Variants in WSB2 observed in about 807,000 individuals in gnomAD.
WSB2 encodes the protein WD repeat and SOCS box containing 2.
A neutral mutation model predicts 48.8 loss-of-function variants in WSB2; 12 were observed. The observed-to-expected ratio is 0.25, with a 90% CI of 0.16 to 0.40. The LOEUF (loss-of-function observed/expected upper bound fraction) is 0.40. Ranked by LOEUF, WSB2 falls within the 10% of genes least tolerant of loss-of-function variation. The pLI, the probability that WSB2 is intolerant of heterozygous loss-of-function variation, is 1.00. For synonymous variants in WSB2, 191 were observed against 203.1 expected, an observed-to-expected ratio of 0.94 and a Z score of 0.51; for missense variants, 317 against 506.2, an observed-to-expected ratio of 0.63 and a Z score of 3.59.
intron 2 of WSB2, among the ~76,000 whole-genome samples, chr12:118,050,884 T>G (rs1406924055): frequency 6.6e-6 from 1 of 151,662 alleles, no homozygotes; most frequent in Non-Finnish European, 1.5e-5. Flanking sequence ...AAATCTCGTC[T>G]CTACTAAAAA....
intron 2 of WSB2, among the ~76,000 whole-genome samples, chr12:118,051,941 T>C (rs556061712): frequency 8.5e-5 from 13 of 152,214 alleles, no homozygotes; most frequent in Middle Eastern, 3.4e-3. Flanking sequence ...GCCATTGCAC[T>C]CCAGCCTAGG....
Position 118,035,031 on chromosome 12 carries a change from C to A in WSB2, c.1007G>T (p.Gly336Val). The A allele has an allele frequency of 6.2e-7, 1 of 1,614,146 alleles. No individual in the cohort carries two copies. The highest frequency in any genetic ancestry group is 8.5e-7 in the Non-Finnish European group (1 of 1,180,028). ...ATGTGGAAAAAATGTGCAGCAAAGC[C>A]CATTGGTCATAGGAGCAAATGCAAT... is the stretch of plus-strand genomic sequence containing the variant. ...TPIAFAPMTN[G>V]LCCTFFPHGG... Residue 336 changes from glycine to valine, a missense_variant, in exon 8 of 9, where the codon GGG (glycine) becomes GTG (valine). Transcript: ENST00000315436.
At chr12:118,046,058 G>A (rs1309344653) in intron 2 of WSB2, among the ~76,000 whole-genome samples, 2 of 152,186 alleles carry the variant, frequency 1.3e-5, no homozygotes, top group Non-Finnish European at 2.9e-5. Context: ...TTATTGGAAC[G>A]CAGCCACAGG....
At chr12:118,062,124 C>G (rs1232585502), upstream of WSB2, 2 of 1,535,382 alleles carry the variant, frequency 1.3e-6, no homozygotes, top group East Asian at 4.9e-5. Context: ...CGCCTGTCCC[C>G]GTCCCCCTGA....
intron 4 of WSB2, among the ~76,000 whole-genome samples, chr12:118,039,133 G>A (rs1273020645): frequency 6.6e-6 from 1 of 152,122 alleles, no homozygotes; most frequent in African/African-American, 2.4e-5. Flanking sequence ...GCTCCAGACT[G>A]TCACCCTCCC....
At chr12:118,044,011 T>C (rs2031696455) in intron 2 of WSB2, among the ~76,000 whole-genome samples, 1 of 150,516 alleles carries the variant, frequency 6.6e-6, no homozygotes, top group Non-Finnish European at 1.5e-5. Flanking sequence ...CCCAGCTACT[T>C]AGGAGGCTGA....
At chr12:118,061,495 A>G (rs2032066090), upstream of WSB2, among the ~76,000 whole-genome samples, 1 of 150,418 alleles carries the variant, frequency 6.6e-6, no homozygotes, top group Non-Finnish European at 1.5e-5. Context: ...AAAACGGGGA[A>G]GGGAGGGAGG....
At chr12:118,034,535 T>A (rs752372017) in intron 8 of WSB2, 177 bp from the exon 9 acceptor site, 142 of 705,420 alleles carry the variant, frequency 2.0e-4, no homozygotes, top group Non-Finnish European at 2.8e-4. Context: ...AAGCTGCTGA[T>A]AGGATTAGAA....
chr12:118,045,230 G>A (rs759944291), intron 2 of WSB2, among the ~76,000 whole-genome samples: 53 of 152,068 alleles, frequency 3.5e-4, no homozygotes, highest in Non-Finnish European at 6.6e-4. Flanking sequence ...CGGGCGTGGT[G>A]GCGGGTGCCT....
At chr12:118,061,560 G>A (rs2032067440), upstream of WSB2, among the ~76,000 whole-genome samples, 1 of 151,238 alleles carries the variant, frequency 6.6e-6, no homozygotes, top group Non-Finnish European at 1.5e-5. Context: ...CGGAGTAGGG[G>A]AAGCCGGGCT....
chr12:118,038,312 C>T lies in WSB2; in HGVS notation c.636G>A (p.Leu212=). The change falls in exon 5 of 9, where the codon CTG becomes CTA. Residue 212 remains leucine (L), a synonymous_variant. Coordinates refer to ENST00000315436, the MANE Select transcript of WSB2 (RefSeq NM_018639.5). ...CCGACTTCTCTCCAGCTGCAGAGCA[C>T]AGCATGCTGCAGTCTGGGGAGATGG... is the stretch of plus-strand genomic sequence containing the variant. ...CCSISPDCSM[L]CSAAGEKSVF... is the part of the protein sequence containing the mutation. 1 of 1,614,088 alleles carries T rather than the reference C, an allele frequency of 6.2e-7. No individual in the cohort carries two copies. Among genetic ancestry groups the T allele is most frequent in the Non-Finnish European group, 8.5e-7 (1 of 1,180,010 alleles).
At chr12:118,062,118 T>C, upstream of WSB2, 1 of 1,535,406 alleles carries the variant, frequency 6.5e-7, no homozygotes, top group Non-Finnish European at 8.7e-7. Context: ...CAGCCTCGCC[T>C]GTCCCCGTCC....
At chr12:118,034,730 C>CA in intron 8 of WSB2, 1 of 534,768 alleles carries the variant, frequency 1.9e-6, no homozygotes, top group Non-Finnish European at 3.3e-6. Context: ...TGCATCATCT[C>CA]AATTTTATTC....
At chr12:118,047,855 T>C (rs2031775297) in intron 2 of WSB2, among the ~76,000 whole-genome samples, 2 of 152,232 alleles carry the variant, frequency 1.3e-5, no homozygotes, top group South Asian at 4.1e-4. Flanking sequence ...TCACTATAAA[T>C]TTTTGTGTAT....
chr12:118,043,954 TAA>T (rs975217806), intron 2 of WSB2, among the ~76,000 whole-genome samples: 1 of 140,654 alleles, frequency 7.1e-6, no homozygotes. Context: ...CCATCTCTAC[TAA>T]AAAAAAAAAA....
intron 5 of WSB2, 73 bp from the exon 6 acceptor site, chr12:118,036,583 T>A (rs2031516762): frequency 6.8e-7 from 1 of 1,471,732 alleles, no homozygotes; most frequent in African/African-American, 1.4e-5. Flanking sequence ...GAGGGAAAGG[T>A]ACCACCACCA....
At chr12:118,037,667 T>TAAAAA (rs752087366) in intron 5 of WSB2, among the ~76,000 whole-genome samples, 9 of 123,554 alleles carry the variant, frequency 7.3e-5, no homozygotes, top group Non-Finnish European at 7.0e-5. Context: ...AAACTCTGTC[T>TAAAAA]AAAAAAAAAA....
At position 118,033,714 on chromosome 12, in the gene WSB2, A is replaced by G. The variant is rs2031431425; in HGVS notation, c.*482T>C. 1.3e-5 allele frequency: 2 copies of G among 154,318 alleles called. No homozygotes were observed. Among genetic ancestry groups the G allele is most frequent in the East Asian group, 1.9e-4 (1 of 5,244 alleles). The allele number at this position is 154,318 out of a possible 1,614,324, so 9.6% of individuals were successfully genotyped here. On this transcript the variant is annotated 3_prime_UTR_variant, in exon 9 of 9. Transcript: ENST00000315436. ...CCAAGAAGAAAAGCACTTGGCCAAC[A>G]TCGAAGCAACTCTGACCACAGCAGG... is the stretch of plus-strand genomic sequence containing the variant.
intron 4 of WSB2, among the ~76,000 whole-genome samples, chr12:118,038,638 A>G (rs777758763): frequency 6.6e-5 from 10 of 152,206 alleles, no homozygotes; most frequent in South Asian, 2.1e-4. Context: ...AACACAATCT[A>G]TAAGATCAGT....
Sources: allele counts gnomAD v4.1 joint callset (sites outside exome capture counted in the v4.1 genomes callset), GRCh38; gene constraint gnomAD v4.1.1; transcripts MANE v1.5; gene names NCBI Gene and HGNC (gene_info 2026-07-23, HGNC 2026-07-21).